PAM: variants seen among roughly 807,000 people sequenced by gnomAD.
PAM encodes the protein peptidylglycine alpha-amidating monooxygenase.
PAM carries 72 observed loss-of-function variants against 122.1 expected under a neutral mutation model. The ratio of observed to expected loss-of-function variants is 0.59; its 90% CI spans 0.49 to 0.72. The LOEUF (loss-of-function observed/expected upper bound fraction) is 0.72, where lower values mean the gene tolerates loss of function less well. PAM is among the 30% of genes least tolerant of loss of function. The probability of loss-of-function intolerance (pLI) is 0.00; values close to 1 mark genes in which losing one functional copy is unlikely to be tolerated. For synonymous variants in PAM, 389 were observed against 404.4 expected (o/e 0.96, Z 0.46); for missense variants, 1,106 against 1,183.7 (o/e 0.93, Z 0.96).
chr5:102,970,343 T>A (rs1397955077), intron 14 of PAM, among the ~76,000 whole-genome samples: 1 of 152,220 alleles, frequency 6.6e-6, no homozygotes, highest in East Asian at 1.9e-4. Flanking sequence ...CATGTGTCTG[T>A]CTAGCAGCTA....
chr5:102,878,626 G>A (rs1394565549), intron 3 of PAM, among the ~76,000 whole-genome samples: 1 of 152,120 alleles, frequency 6.6e-6, no homozygotes, highest in Non-Finnish European at 1.5e-5. Flanking sequence ...CCTTCCAGGA[G>A]GACAGGATGT....
At chr5:102,770,333 T>G (rs542220784) in intron 1 of PAM, among the ~76,000 whole-genome samples, 38 of 152,208 alleles carry the variant, frequency 2.5e-4, no homozygotes, top group South Asian at 1.2e-3. Flanking sequence ...TTGACTTCTT[T>G]CTTTTCAATT....
rs534788131 is a variant in PAM, at chr5:102,851,282, C to A, written c.-373-14541C>A. Among the ~76,000 whole-genome samples, 8 of 152,130 alleles carry A rather than the reference C, an allele frequency of 5.3e-5. No homozygotes were observed. In the East Asian group the frequency reaches 1.4e-3, roughly 26 times the overall value. On this transcript the variant is annotated intron_variant, in intron 1 of 25. Coordinates refer to ENST00000438793, the MANE Select transcript of PAM (RefSeq NM_001177306.2). ...TGTATTTTGATTATATATTGGAACACGTTGCATAATTAAACTTAAATATTT... is the reference window on the plus strand; with the variant it reads ...TGTATTTTGATTATATATTGGAACAAGTTGCATAATTAAACTTAAATATTT...
chr5:102,897,881 A>C (rs1337713703), intron 3 of PAM, among the ~76,000 whole-genome samples: 1 of 151,676 alleles, frequency 6.6e-6, no homozygotes, highest in African/African-American at 2.4e-5. Context: ...ATATGTAATA[A>C]TATACAGAGA....
chr5:102,880,284 G>GAAAAAAAAAAAA (rs549280640), intron 3 of PAM, among the ~76,000 whole-genome samples: 1 of 138,568 alleles, frequency 7.2e-6, no homozygotes. Context: ...CTGTCTCAAG[G>GAAAAAAAAAAAA]AAAAAAAAAA....
intron 7 of PAM, among the ~76,000 whole-genome samples, chr5:102,931,754 A>C (rs535129601): frequency 1.3e-5 from 2 of 152,122 alleles, no homozygotes; most frequent in South Asian, 4.2e-4. Flanking sequence ...ACTGTCATTA[A>C]GCTCTTGGCG....
At chr5:102,998,873 A>C (rs949101884) in intron 16 of PAM, among the ~76,000 whole-genome samples, 2 of 152,188 alleles carry the variant, frequency 1.3e-5, no homozygotes, top group African/African-American at 2.4e-5. Flanking sequence ...GTGAGACTTA[A>C]ACCTTGCATT....
intron 3 of PAM, among the ~76,000 whole-genome samples, chr5:102,895,067 C>T (rs1795833126): frequency 6.6e-6 from 1 of 151,818 alleles, no homozygotes; most frequent in South Asian, 2.1e-4. Flanking sequence ...AAATGAACTA[C>T]AGGCCCTGCA....
chr5:103,029,926 C>G (rs1476039568), downstream of PAM: 1 of 152,140 alleles, frequency 6.6e-6, no homozygotes, highest in Non-Finnish European at 1.5e-5. Flanking sequence ...TCAGGCTCTT[C>G]TAAAATCCAA....
intron 12 of PAM, among the ~76,000 whole-genome samples, chr5:102,953,134 A>G (rs929717122): frequency 4.6e-5 from 7 of 152,188 alleles, no homozygotes; most frequent in African/African-American, 1.7e-4. Context: ...TACCAAAATC[A>G]AGCTTAACTG....
At chr5:102,881,129 T>TACAC (rs34434423) in intron 3 of PAM, among the ~76,000 whole-genome samples, 33,286 of 145,626 alleles carry the variant, frequency 0.23, 3,945 homozygotes, top group African/African-American at 0.31. Context: ...TTTTTATACA[T>TACAC]ACACACACAC....
intron 3 of PAM, among the ~76,000 whole-genome samples, chr5:102,898,576 G>A (rs180777239): frequency 3.7e-4 from 56 of 151,708 alleles, no homozygotes; most frequent in South Asian, 1.2e-3. Flanking sequence ...ACAAAATAGT[G>A]ACAAAATTAA....
chr5:103,028,143 T>C (rs371796904), intron 24 of PAM, 42 bp from the exon 25 acceptor site: 64 of 1,524,976 alleles, frequency 4.2e-5, no homozygotes, highest in Non-Finnish European at 5.4e-5. Flanking sequence ...TTGAGAAAGA[T>C]GACTGGGACT....
chr5:102,822,785 A>G (rs1161440843), intron 1 of PAM, among the ~76,000 whole-genome samples: 4 of 152,136 alleles, frequency 2.6e-5, no homozygotes, highest in African/African-American at 4.8e-5. Context: ...AGCAGTGAGA[A>G]GGGAAATTAC....
chr5:102,978,020 A>C (rs1175664478), intron 15 of PAM, among the ~76,000 whole-genome samples: 1 of 152,188 alleles, frequency 6.6e-6, no homozygotes, highest in Admixed American at 6.5e-5. Context: ...GTTATAGTAC[A>C]TTAACAATTG....
intron 16 of PAM, among the ~76,000 whole-genome samples, chr5:102,996,287 G>A (rs561749839): frequency 1.0e-3 from 159 of 152,254 alleles, no homozygotes; most frequent in African/African-American, 3.7e-3. Context: ...AGTGCTCCAG[G>A]CACTGTGTGA....
chr5:102,907,580 T>A (rs965473014), intron 4 of PAM, among the ~76,000 whole-genome samples: 1 of 150,772 alleles, frequency 6.6e-6, no homozygotes, highest in African/African-American at 2.4e-5. Context: ...TAGTTTACAG[T>A]CCCACCAACA....
chr5:102,974,206 C>G lies in PAM; in HGVS notation c.1253C>G (p.Ser418Ter). Residue 418 changes from serine to a stop codon, truncating the protein, a stop_gained, in exon 15 of 26, where the codon TCA (serine) becomes TGA (stop). Transcript: ENST00000438793. LOFTEE classifies it high-confidence loss of function. ...TATAATCCTACAGAAAAGGCAGAAT[C>G]AGAGTCAGACCTGGTAGCTGAGATT... ...HKYNPTEKAE[S>*]ESDLVAEIAN... 1.9e-6 allele frequency: 3 copies of G among 1,613,656 alleles called. No homozygotes were observed. The highest frequency in any genetic ancestry group is 2.5e-6 in the Non-Finnish European group (3 of 1,179,658).
intron 3 of PAM, among the ~76,000 whole-genome samples, chr5:102,901,113 A>G (rs1797697955): frequency 6.6e-6 from 1 of 151,624 alleles, no homozygotes; most frequent in Non-Finnish European, 1.5e-5. Flanking sequence ...TATTAGAAAT[A>G]TCACTCATGA....
Sources: allele counts gnomAD v4.1 joint callset (sites outside exome capture counted in the v4.1 genomes callset), GRCh38; gene constraint gnomAD v4.1.1; transcripts MANE v1.5; gene names NCBI Gene and HGNC (gene_info 2026-07-23, HGNC 2026-07-21).